CPA3: variants seen among roughly 807,000 people sequenced by gnomAD.
The protein encoded by CPA3 is carboxypeptidase A3, also known as mast cell carboxypeptidase A.
A neutral mutation model predicts 55.8 loss-of-function variants in CPA3; 52 were observed. The observed-to-expected ratio is 0.93, with a 90% confidence interval of 0.75 to 1.17. The LOEUF (loss-of-function observed/expected upper bound fraction) is 1.17. Among genes scored for constraint, CPA3 ranks in the 50% most tolerant of loss-of-function variants. The pLI is 0.00. For synonymous variants in CPA3, 179 were observed against 171.2 expected (o/e 1.05, Z -0.36); for missense variants, 547 against 509.1 (o/e 1.07, Z -0.72).
chr3:148,874,702 G>A (rs1421474072), intron 3 of CPA3, among the ~76,000 whole-genome samples: 1 of 152,182 alleles, frequency 6.6e-6, no homozygotes, highest in East Asian at 1.9e-4. Flanking sequence ...AGGGAATACA[G>A]CGTTTGTGTT....
In CPA3 at chr3:148,878,758, A is replaced by C. The variant is rs761780745; in HGVS notation, c.474+10A>C. ...ACTATATGTTCTGAAGGTAAAAATA[A>C]CTCAAGAACCACTAATTCTTATTAC... is the stretch of plus-strand genomic sequence containing the variant. On this transcript the variant is annotated intron_variant, in intron 5 of 10. Coordinates refer to ENST00000296046, the MANE Select transcript of CPA3 (RefSeq NM_001870.4). 2.7e-6 allele frequency: 4 copies of C among 1,456,954 alleles called. No homozygotes were observed. Among genetic ancestry groups the C allele is most frequent in the Middle Eastern group, 1.8e-4 (1 of 5,514 alleles). 90.3% of individuals were successfully genotyped at this position (1,456,954 alleles called of 1,614,324 possible).
chr3:148,894,877 G>A lies in CPA3; in HGVS notation c.1067-1643G>A, dbSNP rs868261846. ...CTTGAATGTCTGATTGATGTTAAAC[G>A]TATCACTTTGTCTTCCTTTGCCTTT... On this transcript the variant is annotated intron_variant, in intron 10 of 10. Transcript: ENST00000296046. 6.6e-5 allele frequency among the ~76,000 whole-genome samples: 10 copies of A among 152,108 alleles called. No individual in the cohort carries two copies. In the South Asian group the frequency reaches 1.7e-3, roughly 25 times the overall value.
chr3:148,892,837 G>T (rs1208012657), intron 10 of CPA3, among the ~76,000 whole-genome samples: 1 of 57,930 alleles, frequency 1.7e-5, no homozygotes, highest in South Asian at 4.8e-4. Flanking sequence ...AGTTAGCCAG[G>T]TGTGGTGGCA....
At chr3:148,890,928 T>C (rs1220565009) in intron 10 of CPA3, among the ~76,000 whole-genome samples, 1 of 152,212 alleles carries the variant, frequency 6.6e-6, no homozygotes, top group Non-Finnish European at 1.5e-5. Context: ...ATACTCAGAA[T>C]ATGCTGTCAA....
chr3:148,879,387 G>A (rs1474742176), intron 5 of CPA3, among the ~76,000 whole-genome samples: 1 of 152,008 alleles, frequency 6.6e-6, no homozygotes, highest in East Asian at 1.9e-4. Context: ...CACAACACAA[G>A]ATCTTCTCCA....
At position 148,878,511 on chromosome 3, in the gene CPA3, C is replaced by A; in HGVS notation, c.340C>A (p.His114Asn). Residue 114 changes from histidine to asparagine, a missense_variant, in exon 4 of 11, where the codon CAC becomes AAC. Physicochemically the swap from His to Asn is moderately conservative, Grantham distance 68 (BLOSUM62 1). Coordinates refer to ENST00000296046, the MANE Select transcript of CPA3 (RefSeq NM_001870.4). ...FDVKEDIPGR[H>N]SYAKYNNWEK... is the part of the protein sequence containing the mutation. ...TGTTAAAGAAGATATCCCAGGCAGG[C>A]ACAGCTACGCAAAATACAATAATTG... The A allele has an allele frequency of 6.2e-7, 1 of 1,613,130 alleles. No homozygotes were observed. The highest frequency in any genetic ancestry group is 8.5e-7 in the Non-Finnish European group (1 of 1,179,310).
intron 4 of CPA3, 21 bp from the exon 5 acceptor site, chr3:148,878,626 A>G (rs529614942): frequency 1.3e-6 from 2 of 1,585,006 alleles, no homozygotes; most frequent in Admixed American, 3.5e-5. Context: ...CTAATTTCTC[A>G]AAATTGATTT....
At chr3:148,893,254 T>C (rs1277080700) in intron 10 of CPA3, among the ~76,000 whole-genome samples, 1 of 123,492 alleles carries the variant, frequency 8.1e-6, no homozygotes, top group Non-Finnish European at 1.8e-5. Context: ...AAAAAAAAAA[T>C]GCCTCAACAA....
At chr3:148,879,745 G>A (rs1401176948) in intron 5 of CPA3, 43 bp from the exon 6 acceptor site, 1 of 1,296,462 alleles carries the variant, frequency 7.7e-7, no homozygotes, top group East Asian at 2.3e-5. Flanking sequence ...GGATCAATGT[G>A]TGAGTTTGTT....
chr3:148,894,272 A>G (rs966208659), intron 10 of CPA3, among the ~76,000 whole-genome samples: 18 of 152,156 alleles, frequency 1.2e-4, no homozygotes, highest in African/African-American at 3.6e-4. Flanking sequence ...TCTACACCTC[A>G]CTTGACATAG....
At chr3:148,887,891 G>A (rs1714576121) in intron 10 of CPA3, among the ~76,000 whole-genome samples, 1 of 152,116 alleles carries the variant, frequency 6.6e-6, no homozygotes, top group Non-Finnish European at 1.5e-5. Context: ...TGGTGTCCTG[G>A]CTTATTCAAA....
chr3:148,882,363 T>A, intron 7 of CPA3, 142 bp from the exon 8 acceptor site: 3 of 565,074 alleles, frequency 5.3e-6, no homozygotes, highest in Non-Finnish European at 9.5e-6. Context: ...ACAATATTTT[T>A]TTCTTTTTAT....
intron 10 of CPA3, among the ~76,000 whole-genome samples, chr3:148,892,152 A>G (rs1226592432): frequency 6.6e-6 from 1 of 151,956 alleles, no homozygotes; most frequent in Non-Finnish European, 1.5e-5. Context: ...AAAAGTAGAC[A>G]TTTTCCAAAA....
At chr3:148,886,070 C>T in intron 9 of CPA3, 23 bp from the exon 10 acceptor site, 4 of 1,547,724 alleles carry the variant, frequency 2.6e-6, no homozygotes, top group East Asian at 2.2e-5. Context: ...TATTATTTCA[C>T]TCTAACTTTC....
intron 1 of CPA3, 41 bp downstream of exon 1, chr3:148,865,416 G>C: frequency 6.2e-7 from 1 of 1,613,198 alleles, no homozygotes; most frequent in Non-Finnish European, 8.5e-7. Flanking sequence ...GTGTAGAAGA[G>C]AATTAAAGGT....
chr3:148,876,268 TTA>T (rs1180633017), intron 3 of CPA3, among the ~76,000 whole-genome samples: 11 of 151,728 alleles, frequency 7.2e-5, no homozygotes, highest in African/African-American at 2.7e-4. Context: ...AAAGATACAA[TTA>T]TGTTATGATC....
At chr3:148,896,365 G>T (rs1714828743) in intron 10 of CPA3, among the ~76,000 whole-genome samples, 155 bp from the exon 11 acceptor site, 1 of 152,108 alleles carries the variant, frequency 6.6e-6, no homozygotes, top group African/African-American at 2.4e-5. Context: ...GCTTTACTAT[G>T]CACTCTGTAC....
intron 5 of CPA3, 100 bp from the exon 6 acceptor site, chr3:148,879,686 CAG>C (rs1714305089): frequency 5.3e-6 from 4 of 758,620 alleles, no homozygotes; most frequent in East Asian, 2.6e-5. Context: ...CAACAATAGA[CAG>C]GGGAAATAAT....
At chr3:148,891,248 A>G (rs756946485) in intron 10 of CPA3, among the ~76,000 whole-genome samples, 1 of 152,174 alleles carries the variant, frequency 6.6e-6, no homozygotes, top group African/African-American at 2.4e-5. Flanking sequence ...TTATTACTGT[A>G]TTTTATAAAT....
Sources: gnomAD v4.1 joint callset for allele counts (sites outside exome capture counted in the v4.1 genomes callset) on GRCh38, gnomAD v4.1.1 for gene constraint, MANE v1.5 for transcripts, NCBI Gene and HGNC (gene_info 2026-07-23, HGNC 2026-07-21) for gene names.